UBASH3B: variants seen among roughly 807,000 people sequenced by gnomAD.
UBASH3B encodes ubiquitin-associated and SH3 domain-containing protein B.
UBASH3B carries 37 observed loss-of-function variants against 83.4 expected under a neutral mutation model. The observed-to-expected ratio is 0.44, with a 90% CI of 0.34 to 0.58. UBASH3B has a LOEUF of 0.58. UBASH3B is among the 20% of genes least tolerant of loss of function. UBASH3B has a pLI of 0.01. For synonymous variants in UBASH3B, 304 were observed against 318.3 expected (o/e 0.96, Z 0.48); for missense variants, 657 against 827.2 (o/e 0.79, Z 2.52).
chr11:122,745,081 ACTGGCAT>A (rs1861096604), intron 1 of UBASH3B, among the ~76,000 whole-genome samples: 1 of 152,172 alleles, frequency 6.6e-6, no homozygotes, highest in African/African-American at 2.4e-5. Flanking sequence ...GCAGGGTAAC[ACTGGCAT>A]CTGCAAGCAC....
At chr11:122,776,895 T>C in intron 2 of UBASH3B, 129 bp from the exon 3 acceptor site, 1 of 795,500 alleles carries the variant, frequency 1.3e-6, no homozygotes, top group Non-Finnish European at 1.9e-6. Flanking sequence ...TTTTAAATCA[T>C]GAATGAAAAC....
chr11:122,726,495 G>A (rs977396715), intron 1 of UBASH3B, among the ~76,000 whole-genome samples: 1 of 151,852 alleles, frequency 6.6e-6, no homozygotes, highest in Non-Finnish European at 1.5e-5. Flanking sequence ...GATTACAGGT[G>A]TCTGCTACCA....
At chr11:122,781,076 G>T (rs779207750) in intron 4 of UBASH3B, among the ~76,000 whole-genome samples, 1 of 152,096 alleles carries the variant, frequency 6.6e-6, no homozygotes, top group African/African-American at 2.4e-5. Flanking sequence ...TCGGGGCTCA[G>T]TATCACTGCA....
chr11:122,741,982 G>A (rs1861033466), intron 1 of UBASH3B, among the ~76,000 whole-genome samples: 2 of 152,162 alleles, frequency 1.3e-5, no homozygotes. Flanking sequence ...CTACTCATGA[G>A]ATGAGATTTA....
chr11:122,736,332 A>G (rs1860931579), intron 1 of UBASH3B, among the ~76,000 whole-genome samples: 1 of 151,996 alleles, frequency 6.6e-6, no homozygotes, highest in African/African-American at 2.4e-5. Context: ...ACCTCATTCT[A>G]TATTCTGATG....
chr11:122,706,629 A>T (rs1433335379), intron 1 of UBASH3B, among the ~76,000 whole-genome samples: 2 of 152,116 alleles, frequency 1.3e-5, no homozygotes, highest in East Asian at 1.9e-4. Context: ...AGGCTTGCTG[A>T]TCTCCTGATG....
At chr11:122,726,327 A>C (rs1026254255) in intron 1 of UBASH3B, 1 of 141,820 alleles carries the variant, frequency 7.1e-6, no homozygotes, top group African/African-American at 2.6e-5. Flanking sequence ...TTCGGCATTT[A>C]TTTCTTTTCT....
At chr11:122,717,579 G>A (rs1297695502) in intron 1 of UBASH3B, among the ~76,000 whole-genome samples, 1 of 152,190 alleles carries the variant, frequency 6.6e-6, no homozygotes, top group Non-Finnish European at 1.5e-5. Flanking sequence ...TGCCCTCAGT[G>A]GCTATAATTA....
At chr11:122,753,676 G>T (rs1861237460) in intron 1 of UBASH3B, among the ~76,000 whole-genome samples, 1 of 151,588 alleles carries the variant, frequency 6.6e-6, no homozygotes, top group Admixed American at 6.6e-5. Context: ...TGTATTTTTA[G>T]TAGAGACGGG....
chr11:122,690,251 TC>T (rs1395231514), intron 1 of UBASH3B, among the ~76,000 whole-genome samples: 2 of 135,372 alleles, frequency 1.5e-5, no homozygotes, highest in African/African-American at 2.7e-5. Context: ...TATATATATA[TC>T]CAATTATATA....
intron 5 of UBASH3B, among the ~76,000 whole-genome samples, chr11:122,784,123 G>A (rs988264160): frequency 2.0e-5 from 3 of 151,996 alleles, no homozygotes; most frequent in African/African-American, 7.2e-5. Flanking sequence ...TGTATTTTTA[G>A]TAGTGCCGGG....
At chr11:122,796,812 G>A in intron 8 of UBASH3B, 99 bp from the exon 9 acceptor site, 1 of 1,543,416 alleles carries the variant, frequency 6.5e-7, no homozygotes, top group Non-Finnish European at 8.9e-7. Context: ...GATCTCTTTG[G>A]CCAAGAAGGA....
chr11:122,660,528 G>A (rs1020870625), intron 1 of UBASH3B, among the ~76,000 whole-genome samples: 11 of 152,184 alleles, frequency 7.2e-5, no homozygotes, highest in Admixed American at 4.6e-4. Flanking sequence ...GAGAGGGTCT[G>A]AGCCTAACAC....
chr11:122,680,848 G>A (rs1312232928), intron 1 of UBASH3B, among the ~76,000 whole-genome samples: 1 of 152,200 alleles, frequency 6.6e-6, no homozygotes, highest in Non-Finnish European at 1.5e-5. Flanking sequence ...GCAGAGTAAA[G>A]GATGCGTAAA....
At chr11:122,704,989 T>C (rs1465459102) in intron 1 of UBASH3B, among the ~76,000 whole-genome samples, 2 of 152,210 alleles carry the variant, frequency 1.3e-5, no homozygotes, top group Admixed American at 1.3e-4. Context: ...GTTTTCAGGC[T>C]CTAAGCCTTG....
intron 1 of UBASH3B, among the ~76,000 whole-genome samples, chr11:122,674,092 G>T (rs139972543): frequency 1.2e-3 from 183 of 152,218 alleles, no homozygotes; most frequent in African/African-American, 4.2e-3. Context: ...TCCCAGTCTA[G>T]TAGGGAAAAC....
intron 1 of UBASH3B, among the ~76,000 whole-genome samples, chr11:122,771,367 G>C (rs969070041): frequency 6.6e-6 from 1 of 151,908 alleles, no homozygotes; most frequent in African/African-American, 2.4e-5. Flanking sequence ...CAAGTAGCTG[G>C]GATTACAGGC....
chr11:122,666,880 T>C (rs1280335089), intron 1 of UBASH3B, among the ~76,000 whole-genome samples: 1 of 151,576 alleles, frequency 6.6e-6, no homozygotes, highest in African/African-American at 2.4e-5. Context: ...CCTCTCTCAC[T>C]CTCCTCATCT....
chr11:122,715,467 T>C (rs137977140), intron 1 of UBASH3B, among the ~76,000 whole-genome samples: 81 of 152,298 alleles, frequency 5.3e-4, no homozygotes, highest in African/African-American at 1.7e-3. Context: ...CCAGAAAGCT[T>C]CTGAATCAAT....
Sources: gnomAD v4.1 joint callset for allele counts (sites outside exome capture counted in the v4.1 genomes callset) on GRCh38, gnomAD v4.1.1 for gene constraint, MANE v1.5 for transcripts, NCBI Gene and HGNC (gene_info 2026-07-23, HGNC 2026-07-21) for gene names.